The following RAB2A variants were observed in gnomAD, a reference collection of about 807,000 sequenced individuals.
RAB2A encodes the protein RAB2A, member RAS oncogene family.
A neutral mutation model predicts 32.5 loss-of-function variants in RAB2A; 7 were observed. That is an observed-to-expected ratio of 0.22 (90% CI 0.12 to 0.40). The LOEUF (loss-of-function observed/expected upper bound fraction) is 0.40, where lower values mean the gene tolerates loss of function less well. RAB2A is among the 10% of genes least tolerant of loss of function. The pLI is 1.00. For missense variants in RAB2A, 108 were observed against 260.7 expected (o/e 0.41, Z 4.03); for synonymous variants, 79 against 85.2 (o/e 0.93, Z 0.40).
At chr8:60,568,226 G>A (rs937343978) in intron 2 of RAB2A, among the ~76,000 whole-genome samples, 2 of 152,144 alleles carry the variant, frequency 1.3e-5, no homozygotes. Flanking sequence ...TACCTCAGCA[G>A]CCTAGAAGTT....
At chr8:60,607,037 G>C (rs970821951) in intron 6 of RAB2A, among the ~76,000 whole-genome samples, 1 of 151,606 alleles carries the variant, frequency 6.6e-6, no homozygotes, top group Non-Finnish European at 1.5e-5. Context: ...TGTTGTGGTG[G>C]GTGCATGGAG....
rs115726071 is a variant in RAB2A at position 60,578,619 on chromosome 8, A to C, written c.187-5589A>C. 4.9e-3 allele frequency among the ~76,000 whole-genome samples: 750 copies of C among 152,354 alleles called. 7 individuals are homozygous for C. The highest frequency in any genetic ancestry group is 0.017 in the African/African-American group (697 of 41,586). On this transcript the variant is annotated intron_variant, in intron 3 of 7. Transcript: ENST00000262646. ...TGAGACAAGTAGAGGTCTGATTCTC[A>C]AGAGCTTAGGACTTTAATTCAGGAT...
intron 6 of RAB2A, among the ~76,000 whole-genome samples, chr8:60,604,013 G>C (rs1198962080): frequency 6.6e-6 from 1 of 152,174 alleles, no homozygotes; most frequent in Non-Finnish European, 1.5e-5. Context: ...TGGAGGTGGG[G>C]CCTGGTGGGA....
intron 6 of RAB2A, among the ~76,000 whole-genome samples, chr8:60,594,769 T>G (rs572938802): frequency 6.6e-6 from 1 of 152,172 alleles, no homozygotes; most frequent in Non-Finnish European, 1.5e-5. Context: ...TGCTGAGAAT[T>G]ATGGTTTCCA....
chr8:60,596,921 A>C (rs1318086604), intron 6 of RAB2A, among the ~76,000 whole-genome samples: 3 of 151,840 alleles, frequency 2.0e-5, no homozygotes, highest in African/African-American at 7.3e-5. Context: ...ACTCTGTCTC[A>C]AAAAAAATAA....
intron 2 of RAB2A, among the ~76,000 whole-genome samples, chr8:60,563,221 A>C (rs1165082411): frequency 3.3e-5 from 5 of 152,014 alleles, no homozygotes; most frequent in Non-Finnish European, 5.9e-5. Context: ...AAAAGTTTTT[A>C]AAAGCCTCTA....
chr8:60,596,130 G>T (rs893677775), intron 6 of RAB2A, among the ~76,000 whole-genome samples: 1 of 152,024 alleles, frequency 6.6e-6, no homozygotes, highest in Non-Finnish European at 1.5e-5. Flanking sequence ...TTCCTTATAC[G>T]TTATACAAAA....
At position 60,623,139 on chromosome 8, in the gene RAB2A, C is replaced by A. The variant is rs1804555783; in HGVS notation, c.*2370C>A. ...TGTGATCTTCATAAAGACATTGTTA[C>A]CATTCGTCTTGCAAATTTAAGACAA... On this transcript the variant is annotated 3_prime_UTR_variant, in exon 8 of 8. Coordinates refer to ENST00000262646, the MANE Select transcript of RAB2A (RefSeq NM_002865.3). 6.6e-6 allele frequency: 1 copy of A among 152,170 alleles called. No individual in the cohort carries two copies. The highest frequency in any genetic ancestry group is 1.5e-5 in the Non-Finnish European group (1 of 68,028). 9.4% of individuals were successfully genotyped at this position (152,170 alleles called of 1,614,324 possible).
At chr8:60,527,192 A>T (rs976475028) in intron 1 of RAB2A, among the ~76,000 whole-genome samples, 1 of 152,018 alleles carries the variant, frequency 6.6e-6, no homozygotes, top group South Asian at 2.1e-4. Flanking sequence ...AAGCAACCAG[A>T]TCTCGTGAGA....
chr8:60,572,333 T>C (rs889130388), intron 3 of RAB2A, among the ~76,000 whole-genome samples: 6 of 152,138 alleles, frequency 3.9e-5, no homozygotes, highest in African/African-American at 1.4e-4. Context: ...CATATCTGAG[T>C]GAATGTTCAC....
intron 3 of RAB2A, among the ~76,000 whole-genome samples, chr8:60,579,907 G>A (rs924052014): frequency 6.6e-6 from 1 of 151,968 alleles, no homozygotes; most frequent in African/African-American, 2.4e-5. Flanking sequence ...GATTACAGGC[G>A]TGAGCCACCG....
chr8:60,535,851 G>T (rs1807548531), intron 1 of RAB2A, among the ~76,000 whole-genome samples: 1 of 152,114 alleles, frequency 6.6e-6, no homozygotes, highest in Non-Finnish European at 1.5e-5. Context: ...TGATATTGCA[G>T]CACTTTTTCA....
At chr8:60,587,964 A>T (rs746352799) in intron 5 of RAB2A, among the ~76,000 whole-genome samples, 1 of 152,214 alleles carries the variant, frequency 6.6e-6, no homozygotes, top group East Asian at 1.9e-4. Context: ...CAGAAGATAT[A>T]CTACTGATGG....
At chr8:60,569,448 A>G (rs1300540751) in intron 2 of RAB2A, among the ~76,000 whole-genome samples, 1 of 152,176 alleles carries the variant, frequency 6.6e-6, no homozygotes, top group African/African-American at 2.4e-5. Context: ...GTATTTTTAG[A>G]GGCAAAATCT....
intron 3 of RAB2A, among the ~76,000 whole-genome samples, chr8:60,577,148 T>G (rs1226176820): frequency 6.6e-6 from 1 of 151,670 alleles, no homozygotes; most frequent in Non-Finnish European, 1.5e-5. Flanking sequence ...CAGGCTCAAG[T>G]GATCCTCTCA....
At chr8:60,535,171 G>T (rs887957212) in intron 1 of RAB2A, among the ~76,000 whole-genome samples, 2 of 152,190 alleles carry the variant, frequency 1.3e-5, no homozygotes, top group Admixed American at 1.3e-4. Flanking sequence ...AGGCTTTCTT[G>T]TAATTTTCTT....
chr8:60,538,588 A>G (rs1352864201), intron 1 of RAB2A, among the ~76,000 whole-genome samples: 1 of 152,212 alleles, frequency 6.6e-6, no homozygotes, highest in Non-Finnish European at 1.5e-5. Flanking sequence ...TTGGAGGGGC[A>G]TGGCTGAGGC....
At chr8:60,554,993 G>A (rs1298798914) in intron 1 of RAB2A, among the ~76,000 whole-genome samples, 1 of 152,246 alleles carries the variant, frequency 6.6e-6, no homozygotes, top group Non-Finnish European at 1.5e-5. Context: ...AAGAAGAGGA[G>A]TTGGTTGTCA....
chr8:60,545,943 A>C (rs1807720842), intron 1 of RAB2A, among the ~76,000 whole-genome samples: 1 of 152,254 alleles, frequency 6.6e-6, no homozygotes, highest in South Asian at 2.1e-4. Flanking sequence ...CATGAATACT[A>C]GCTCAACAGA....
Sources: gnomAD v4.1 joint callset for allele counts (sites outside exome capture counted in the v4.1 genomes callset) on GRCh38, gnomAD v4.1.1 for gene constraint, MANE v1.5 for transcripts, NCBI Gene and HGNC (gene_info 2026-07-23, HGNC 2026-07-21) for gene names.